SEC63: variants seen among roughly 807,000 people sequenced by gnomAD.
SEC63 encodes translocation protein SEC63 homolog.
A neutral mutation model predicts 116.2 loss-of-function variants in SEC63; 56 were observed. That is an observed-to-expected ratio of 0.48 (90% CI 0.39 to 0.60). The LOEUF is 0.60. Among genes scored for constraint, SEC63 ranks in the 20% least tolerant of loss-of-function variants. SEC63 has a pLI of 0.00. For synonymous variants in SEC63, 273 were observed against 294.6 expected (o/e 0.93, Z 0.75); for missense variants, 668 against 900.0 (o/e 0.74, Z 3.30).
intron 13 of SEC63, among the ~76,000 whole-genome samples, chr6:107,898,112 A>C (rs909069245): frequency 1.3e-5 from 2 of 152,096 alleles, no homozygotes; most frequent in African/African-American, 4.8e-5. Flanking sequence ...AAAAATACAA[A>C]AATTAGCCAG....
chr6:107,939,325 T>C (rs759994570), intron 1 of SEC63, among the ~76,000 whole-genome samples: 4 of 152,196 alleles, frequency 2.6e-5, no homozygotes, highest in Non-Finnish European at 5.9e-5. Context: ...AAACAAAAAG[T>C]ACACTTCTGC....
intron 1 of SEC63, among the ~76,000 whole-genome samples, chr6:107,945,248 G>A (rs1436029311): frequency 2.7e-5 from 4 of 150,894 alleles, no homozygotes; most frequent in Admixed American, 6.6e-5. Flanking sequence ...GAATCTACAC[G>A]AGAAAACTCC....
intron 8 of SEC63, among the ~76,000 whole-genome samples, chr6:107,907,497 G>C (rs772701117): frequency 3.3e-5 from 5 of 152,150 alleles, no homozygotes; most frequent in Non-Finnish European, 7.4e-5. Context: ...CAGGAGAATT[G>C]CTTGCACCCA....
intron 12 of SEC63, 88 bp downstream of exon 12, chr6:107,902,756 T>A (rs1787036746): frequency 3.2e-6 from 4 of 1,243,916 alleles, no homozygotes; most frequent in Middle Eastern, 2.7e-4. Flanking sequence ...AAATGCATAG[T>A]AACCATTTCC....
chr6:107,929,283 C>A, intron 2 of SEC63, 132 bp downstream of exon 2: 1 of 603,304 alleles, frequency 1.7e-6, no homozygotes. Context: ...ACATTTTCTC[C>A]TATCTTACCC....
intron 1 of SEC63, among the ~76,000 whole-genome samples, chr6:107,933,767 T>C (rs4945798): frequency 0.98 from 147,508 of 150,988 alleles, 72,095 homozygotes; most frequent in African/African-American, 0.99. Flanking sequence ...CCCTCTGATG[T>C]CTAGCCGAAG....
chr6:107,941,801 C>G (rs1190519384), intron 1 of SEC63, among the ~76,000 whole-genome samples: 6 of 152,200 alleles, frequency 3.9e-5, no homozygotes, highest in Non-Finnish European at 4.4e-5. Flanking sequence ...TGTAAGGGCC[C>G]TTTTGCAGTG....
intron 18 of SEC63, 74 bp downstream of exon 18, chr6:107,881,075 C>G (rs1324291925): frequency 9.2e-7 from 1 of 1,090,008 alleles, no homozygotes; most frequent in African/African-American, 1.6e-5. Flanking sequence ...CGACAGAGGG[C>G]TAAAAGTCAA....
At position 107,896,032 on chromosome 6, in the gene SEC63, G is replaced by A. The variant is rs936966300; in HGVS notation, c.1440+1617C>T. ...ATACAAAAAATTGGCTGGACATGGT[G>A]GTGCACACCTGTGGTCCCAGCTACT... On this transcript the variant is annotated intron_variant, in intron 14 of 20. Coordinates refer to ENST00000369002, the MANE Select transcript of SEC63 (RefSeq NM_007214.5). Among the ~76,000 whole-genome samples, 3 of 152,040 alleles carry A rather than the reference G, an allele frequency of 2.0e-5. No homozygotes were observed. In the East Asian group the frequency reaches 5.8e-4, roughly 29 times the overall value.
At chr6:107,925,285 T>G (rs1296610889) in intron 2 of SEC63, among the ~76,000 whole-genome samples, 1 of 152,194 alleles carries the variant, frequency 6.6e-6, no homozygotes, top group African/African-American at 2.4e-5. Flanking sequence ...AGAATTGCTC[T>G]GACCCAGCAA....
chr6:107,935,758 T>C (rs1421837851), intron 1 of SEC63, among the ~76,000 whole-genome samples: 1 of 150,824 alleles, frequency 6.6e-6, no homozygotes, highest in Non-Finnish European at 1.5e-5. Flanking sequence ...CAACTCCCCC[T>C]CTGCGAGAAA....
At position 107,901,986 on chromosome 6, in the gene SEC63, T is replaced by C. The variant is rs187312621; in HGVS notation, c.1210-469A>G. Among the ~76,000 whole-genome samples, 87 of 152,254 alleles carry C rather than the reference T, an allele frequency of 5.7e-4. 2 individuals are homozygous for C. In the East Asian group the frequency reaches 0.013, roughly 23 times the overall value. On this transcript the variant is annotated intron_variant, in intron 12 of 20. Transcript: ENST00000369002. The stretch of plus-strand genomic sequence containing the variant: ...GTTTTACTATGCAATATTCTCATTT[T>C]TGTTATTCTTAAAATATAGCTATTA...
Position 107,912,696 on chromosome 6 carries a change from T to C in SEC63, c.573+20A>G, listed in dbSNP as rs199689941. ...ATTTTGTCTAATACATCATAATGTA[T>C]CTTATTTAAATGCACTCACCAGAAT... On this transcript the variant is annotated intron_variant, in intron 6 of 20. Coordinates refer to ENST00000369002, the MANE Select transcript of SEC63 (RefSeq NM_007214.5). The C allele has an allele frequency of 3.3e-6, 5 of 1,522,792 alleles. No homozygotes were observed. Among genetic ancestry groups the C allele is most frequent in the African/African-American group, 2.7e-5 (2 of 73,122 alleles). 94.3% of individuals were successfully genotyped at this position (1,522,792 alleles called of 1,614,324 possible).
chr6:107,900,616 C>T (rs896944793), intron 13 of SEC63, among the ~76,000 whole-genome samples: 1 of 152,166 alleles, frequency 6.6e-6, no homozygotes, highest in East Asian at 1.9e-4. Flanking sequence ...CCACTGCACT[C>T]CAGCCTGGAC....
chr6:107,932,874 A>T (rs1431926778), intron 1 of SEC63, among the ~76,000 whole-genome samples: 1 of 152,166 alleles, frequency 6.6e-6, no homozygotes, highest in African/African-American at 2.4e-5. Context: ...CAAAATACTA[A>T]TTACAAAGGG....
At chr6:107,897,403 C>A (rs1383829759) in intron 14 of SEC63, among the ~76,000 whole-genome samples, 1 of 152,158 alleles carries the variant, frequency 6.6e-6, no homozygotes, top group Non-Finnish European at 1.5e-5. Flanking sequence ...ACTATATCCA[C>A]ATTACTTTGT....
intron 4 of SEC63, among the ~76,000 whole-genome samples, chr6:107,916,528 T>A (rs1007824285): frequency 5.3e-5 from 8 of 152,256 alleles, no homozygotes; most frequent in Non-Finnish European, 1.0e-4. Flanking sequence ...TATAACTTAG[T>A]ATGCTATTGC....
At chr6:107,934,184 C>T (rs1351638582) in intron 1 of SEC63, among the ~76,000 whole-genome samples, 5 of 151,460 alleles carry the variant, frequency 3.3e-5, no homozygotes, top group East Asian at 2.0e-4. Flanking sequence ...GGCCACCCAT[C>T]GTCTGGGACG....
intron 1 of SEC63, among the ~76,000 whole-genome samples, chr6:107,936,047 T>C (rs1446038916): frequency 1.3e-5 from 2 of 152,200 alleles, no homozygotes; most frequent in African/African-American, 4.8e-5. Flanking sequence ...AAGTATAAAA[T>C]CAAGGAAACA....
Sources: gnomAD v4.1 joint callset for allele counts (sites outside exome capture counted in the v4.1 genomes callset) on GRCh38, gnomAD v4.1.1 for gene constraint, MANE v1.5 for transcripts, NCBI Gene and HGNC (gene_info 2026-07-23, HGNC 2026-07-21) for gene names.